The following USH2A variants were observed in gnomAD, a reference collection of about 807,000 sequenced individuals.
USH2A encodes the protein Usher syndrome 2A (autosomal recessive, mild).
Under a neutral mutation model 538.9 loss-of-function variants are expected in USH2A, and 443 were observed. The ratio of observed to expected loss-of-function variants is 0.82; its 90% CI spans 0.76 to 0.89. The LOEUF (loss-of-function observed/expected upper bound fraction) is 0.89, where lower values mean the gene tolerates loss of function less well. Among genes scored for constraint, USH2A ranks in the 40% least tolerant of loss-of-function variants. The pLI, the probability that USH2A is intolerant of heterozygous loss-of-function variation, is 0.00. For missense variants in USH2A, 6,633 were observed against 6,324.8 expected (o/e 1.05, Z -1.65); for synonymous variants, 2,413 against 2,273.5 (o/e 1.06, Z -1.75).
intron 49 of USH2A, among the ~76,000 whole-genome samples, chr1:215,802,454 A>C (rs1365635898): frequency 2.6e-5 from 4 of 151,978 alleles, no homozygotes; most frequent in Non-Finnish European, 1.5e-5. Context: ...TGGGCAAATA[A>C]CTTTAATAGA....
intron 32 of USH2A, among the ~76,000 whole-genome samples, chr1:216,017,534 A>C (rs1231818798): frequency 6.6e-6 from 1 of 152,210 alleles, no homozygotes; most frequent in Non-Finnish European, 1.5e-5. Flanking sequence ...GGAATCAATT[A>C]ATACTTTGTA....
intron 61 of USH2A, among the ~76,000 whole-genome samples, chr1:215,715,554 C>A (rs1361244947): frequency 6.6e-6 from 1 of 152,178 alleles, no homozygotes; most frequent in Non-Finnish European, 1.5e-5. Context: ...ATGGACAGGT[C>A]TTTTCTCCCT....
intron 14 of USH2A, among the ~76,000 whole-genome samples, chr1:216,222,098 C>T (rs986350938): frequency 3.3e-5 from 5 of 152,144 alleles, no homozygotes; most frequent in East Asian, 1.9e-4. Context: ...TAGAGTTTAA[C>T]CAAAATTACT....
rs576717358 is a variant in USH2A at position 216,148,672 on chromosome 1, G to A, written c.4627+26580C>T. ...TCCTAAAACCAGACAAGCCTTACAA[G>A]TTAGTTCAGGATCTGCACCTTATCA... is the stretch of plus-strand genomic sequence containing the variant. On this transcript the variant is annotated intron_variant, in intron 21 of 71. Coordinates refer to ENST00000307340, the MANE Select transcript of USH2A (RefSeq NM_206933.4). Among the ~76,000 whole-genome samples the A allele has an allele frequency of 9.9e-5, 15 of 152,100 alleles. No individual in the cohort carries two copies. The East Asian group carries it at 2.7e-3, about 27-fold the overall frequency.
rs1415484067 is a variant in USH2A, at chr1:216,323,477, C to A, written c.1547G>T (p.Gly516Val). ...YYAVDEITISGRCQCHGHADN... is the reference protein window; with the variant it reads ...YYAVDEITISVRCQCHGHADN... ...AAAACAAAATTCATAATAATACCTC[C>A]CACTAATGGTGATTTCGTCCACTGC... The change falls in exon 8 of 72, where the codon GGG becomes GTG. Residue 516 changes from glycine to valine, a missense_variant. Coordinates refer to ENST00000307340, the MANE Select transcript of USH2A (RefSeq NM_206933.4). 1 of 1,613,024 alleles carries A rather than the reference C, an allele frequency of 6.2e-7. No homozygotes were observed. Among genetic ancestry groups the A allele is most frequent in the Non-Finnish European group, 8.5e-7 (1 of 1,179,568 alleles).
At position 216,231,878 on chromosome 1, in the gene USH2A, T is replaced by C; in HGVS notation, c.2993+75A>G. The C allele has an allele frequency of 2.5e-6, 4 of 1,578,062 alleles. No individual in the cohort carries two copies. In the South Asian group the frequency reaches 4.5e-5, roughly 18 times the overall value. On this transcript the variant is annotated intron_variant, in intron 14 of 71. Coordinates refer to ENST00000307340, the MANE Select transcript of USH2A (RefSeq NM_206933.4). Reference sequence around the variant, plus strand: ...AAAAAAATACTTTTTACAGAAGTTATTGCTTTGCAACTGCCAAAAAAAGTT... The same window carrying C: ...AAAAAAATACTTTTTACAGAAGTTACTGCTTTGCAACTGCCAAAAAAAGTT...
intron 32 of USH2A, among the ~76,000 whole-genome samples, chr1:216,012,615 G>A (rs1031552056): frequency 6.6e-6 from 1 of 152,086 alleles, no homozygotes; most frequent in Admixed American, 6.5e-5. Flanking sequence ...CAGGCTCTTA[G>A]TATTCAGTGA....
At chr1:215,805,321 GC>G (rs1662469622) in intron 49 of USH2A, among the ~76,000 whole-genome samples, 1 of 151,848 alleles carries the variant, frequency 6.6e-6, no homozygotes, top group African/African-American at 2.4e-5. Flanking sequence ...AGTGAAATAA[GC>G]CAGACACAAA....
intron 21 of USH2A, among the ~76,000 whole-genome samples, chr1:216,113,242 A>G (rs2032920329): frequency 6.6e-6 from 1 of 152,084 alleles, no homozygotes; most frequent in Non-Finnish European, 1.5e-5. Flanking sequence ...AATAGCCCAT[A>G]GATTCCTACT....
At chr1:216,224,096 G>A (rs1275709469) in intron 14 of USH2A, among the ~76,000 whole-genome samples, 2 of 152,090 alleles carry the variant, frequency 1.3e-5, no homozygotes, top group Non-Finnish European at 2.9e-5. Flanking sequence ...ACTCCTTAAG[G>A]CTTAAAACAA....
intron 21 of USH2A, chr1:216,174,892 C>T: frequency 9.1e-7 from 1 of 1,101,144 alleles, no homozygotes; most frequent in Non-Finnish European, 1.1e-6. Flanking sequence ...TGAGAATCTC[C>T]AATAGCATGA....
At chr1:216,393,452 G>A (rs1213348327) in intron 3 of USH2A, among the ~76,000 whole-genome samples, 1 of 152,066 alleles carries the variant, frequency 6.6e-6, no homozygotes, top group Non-Finnish European at 1.5e-5. Flanking sequence ...CACAAACTAG[G>A]ATATAATACC....
At chr1:216,096,793 A>T (rs191090514) in intron 22 of USH2A, among the ~76,000 whole-genome samples, 14 of 152,322 alleles carry the variant, frequency 9.2e-5, no homozygotes, top group African/African-American at 2.9e-4. Flanking sequence ...AGATCTCTTT[A>T]AATTTATTTA....
intron 40 of USH2A, among the ~76,000 whole-genome samples, chr1:215,894,004 C>A (rs778486951): frequency 1.3e-5 from 2 of 151,984 alleles, no homozygotes; most frequent in Non-Finnish European, 2.9e-5. Flanking sequence ...CATGCAGAAC[C>A]ATTTTGCTCT....
intron 61 of USH2A, among the ~76,000 whole-genome samples, chr1:215,683,660 A>C (rs888269685): frequency 6.6e-6 from 1 of 152,210 alleles, no homozygotes; most frequent in Admixed American, 6.5e-5. Flanking sequence ...TCATCACTAA[A>C]GACGATTTTC....
At chr1:215,920,092 A>T (rs78379245) in intron 38 of USH2A, among the ~76,000 whole-genome samples, 1 of 151,820 alleles carries the variant, frequency 6.6e-6, no homozygotes, top group African/African-American at 2.4e-5. Flanking sequence ...TGAGAAAAAA[A>T]ATGTACATTT....
rs1194150971 is a variant in USH2A, at chr1:216,078,195, A to C, written c.5466T>G (p.His1822Gln). The change falls in exon 27 of 72, where the codon CAT becomes CAG. Residue 1822 changes from histidine to glutamine, a missense_variant. Transcript: ENST00000307340. Reference protein sequence around the residue: ...ISASVNGLMKHASESGDQPLV... With the variant: ...ISASVNGLMKQASESGDQPLV... The stretch of plus-strand genomic sequence containing the variant: ...GTGGCTGGTCTCCGGACTCCGATGC[A>C]TGCTTCATCAGTCCATTCACACTTG... 3 of 1,613,812 alleles carry C rather than the reference A, an allele frequency of 1.9e-6. No homozygotes were observed. Among genetic ancestry groups the C allele is most frequent in the Admixed American group, 1.7e-5 (1 of 59,960 alleles).
chr1:216,271,269 AGG>A (rs1571644340), intron 11 of USH2A, among the ~76,000 whole-genome samples: 1 of 152,238 alleles, frequency 6.6e-6, no homozygotes, highest in African/African-American at 2.4e-5. Flanking sequence ...TAGGAAGGGC[AGG>A]GTGGCCAAAA....
chr1:216,232,114 A>T lies in USH2A; in HGVS notation c.2832T>A (p.Asn944Lys). ...ATGAGCATGGCAGGCAGCCAGTGGC[A>T]TTGCCTGGAGAAATATAAAAACCTA... ...CQPGFYISPG[N>K]ATGCLPCSCH... The change falls in exon 14 of 72, where the codon AAT becomes AAA. Residue 944 changes from asparagine (N) to lysine (K), a missense_variant. By Grantham distance (94) the Asn-to-Lys change is moderately conservative. Coordinates refer to ENST00000307340, the MANE Select transcript of USH2A (RefSeq NM_206933.4). 6.2e-7 allele frequency: 1 copy of T among 1,613,720 alleles called. No individual in the cohort carries two copies. The highest frequency in any genetic ancestry group is 8.5e-7 in the Non-Finnish European group (1 of 1,179,794).
Sources: allele counts gnomAD v4.1 joint callset (sites outside exome capture counted in the v4.1 genomes callset), GRCh38; gene constraint gnomAD v4.1.1; transcripts MANE v1.5; gene names NCBI Gene and HGNC (gene_info 2026-07-23, HGNC 2026-07-21).